The following PRKAA1 variants were observed in gnomAD, a reference collection of about 807,000 sequenced individuals.
PRKAA1 encodes the protein protein kinase AMP-activated catalytic subunit alpha 1.
A neutral mutation model predicts 56.9 loss-of-function variants in PRKAA1; 23 were observed. The observed-to-expected ratio is 0.40, with a 90% CI of 0.29 to 0.57. The LOEUF (loss-of-function observed/expected upper bound fraction) is 0.57. Among genes scored for constraint, PRKAA1 ranks in the 20% least tolerant of loss-of-function variants. The probability of loss-of-function intolerance (pLI) is 0.39; values close to 1 mark genes in which losing one functional copy is unlikely to be tolerated. For missense variants in PRKAA1, 413 were observed against 679.7 expected, an observed-to-expected ratio of 0.61 and a Z score of 4.36; for synonymous variants, 226 against 227.0, an observed-to-expected ratio of 1.00 and a Z score of 0.04.
At chr5:40,777,282 G>C in intron 2 of PRKAA1, 163 bp downstream of exon 2, 2 of 668,094 alleles carry the variant, frequency 3.0e-6, no homozygotes. Context: ...CAAAGTACTG[G>C]AATTACAGGT....
At chr5:40,771,612 ATTACT>A in intron 4 of PRKAA1, 102 bp downstream of exon 4, 1 of 1,118,062 alleles carries the variant, frequency 8.9e-7, no homozygotes, top group Non-Finnish European at 1.3e-6. Flanking sequence ...TACTCAGTCT[ATTACT>A]TTATGTAATC....
chr5:40,786,655 CAG>C (rs774642405), intron 1 of PRKAA1, among the ~76,000 whole-genome samples: 3 of 151,178 alleles, frequency 2.0e-5, no homozygotes, highest in Non-Finnish European at 4.4e-5. Context: ...GAATGAAAAA[CAG>C]TGGTCAGGCA....
Position 40,760,339 on chromosome 5 carries a change from T to C in PRKAA1, c.*2439A>G, listed in dbSNP as rs1387743839. On this transcript the variant is annotated 3_prime_UTR_variant, in exon 9 of 9. Coordinates refer to ENST00000397128, the MANE Select transcript of PRKAA1 (RefSeq NM_006251.6). Reference sequence around the variant, plus strand: ...TCAAAATAAAACACAGTAACTAAAATGAATCACAATAACTTATAAGAGAAG... The same window carrying C: ...TCAAAATAAAACACAGTAACTAAAACGAATCACAATAACTTATAAGAGAAG... The C allele has an allele frequency of 6.5e-6, 1 of 152,684 alleles. No homozygotes were observed. Among genetic ancestry groups the C allele is most frequent in the East Asian group, 1.9e-4 (1 of 5,276 alleles). 9.5% of individuals were successfully genotyped at this position (152,684 alleles called of 1,614,324 possible). A position where few individuals can be genotyped will look rare whatever the true frequency, so the allele number is the denominator to read the frequency against.
chr5:40,788,113 T>C (rs906745726), intron 1 of PRKAA1, among the ~76,000 whole-genome samples: 54 of 152,188 alleles, frequency 3.5e-4, no homozygotes, highest in African/African-American at 1.3e-3. Flanking sequence ...ACTACCATGT[T>C]TGAAAATATA....
intron 1 of PRKAA1, among the ~76,000 whole-genome samples, chr5:40,784,200 T>G: frequency 6.6e-6 from 1 of 152,314 alleles, no homozygotes; most frequent in South Asian, 2.1e-4. Flanking sequence ...CCTGAATTAT[T>G]TGTTTTAATC....
intron 4 of PRKAA1, among the ~76,000 whole-genome samples, chr5:40,771,355 C>G (rs1187974154): frequency 6.6e-6 from 1 of 152,102 alleles, no homozygotes; most frequent in Non-Finnish European, 1.5e-5. Context: ...AAAGACAAAA[C>G]AGCCTGGCAT....
intron 3 of PRKAA1, 83 bp from the exon 4 acceptor site, chr5:40,771,946 G>C (rs1743767644): frequency 6.7e-7 from 1 of 1,484,032 alleles, no homozygotes; most frequent in South Asian, 1.2e-5. Flanking sequence ...CTATAAAATT[G>C]TCAAAATACA....
intron 4 of PRKAA1, among the ~76,000 whole-genome samples, chr5:40,770,410 G>A (rs1743679387): frequency 8.0e-6 from 1 of 125,634 alleles, no homozygotes; most frequent in Non-Finnish European, 1.7e-5. Flanking sequence ...AGGTTGCAGT[G>A]AGCCGAGATC....
chr5:40,776,756 T>C (rs1299044982), intron 2 of PRKAA1, among the ~76,000 whole-genome samples: 1 of 152,188 alleles, frequency 6.6e-6, no homozygotes, highest in Non-Finnish European at 1.5e-5. Context: ...ATAAGCAGGA[T>C]GGGGAAAAAC....
At chr5:40,782,735 G>A (rs1297073122) in intron 1 of PRKAA1, among the ~76,000 whole-genome samples, 2 of 151,958 alleles carry the variant, frequency 1.3e-5, no homozygotes, top group Admixed American at 1.3e-4. Flanking sequence ...AAATGAGGAG[G>A]AAATTAGCAA....
At chr5:40,795,724 A>C (rs911708400) in intron 1 of PRKAA1, among the ~76,000 whole-genome samples, 27 of 152,260 alleles carry the variant, frequency 1.8e-4, no homozygotes, top group African/African-American at 6.0e-4. Context: ...AACTTAAAAA[A>C]TGAACAGGTT....
intron 1 of PRKAA1, among the ~76,000 whole-genome samples, chr5:40,779,902 A>G (rs1744191373): frequency 7.0e-6 from 1 of 142,074 alleles, no homozygotes; most frequent in Admixed American, 7.9e-5. Flanking sequence ...TGCAAAAAAA[A>G]AGTGCATAAA....
chr5:40,777,622 T>C lies in PRKAA1; in HGVS notation c.128-36A>G, dbSNP rs761871972. 198 of 1,539,032 alleles carry C rather than the reference T, an allele frequency of 1.3e-4. 1 individual carries two copies. Among genetic ancestry groups the C allele is most frequent in the Non-Finnish European group, 1.7e-4 (186 of 1,126,038 alleles). ...AGTAATTTAATAAATTAGTACTAAG[T>C]ATGATTAATAATATATTTACACATA... On this transcript the variant is annotated intron_variant, in intron 1 of 8. Coordinates refer to ENST00000397128, the MANE Select transcript of PRKAA1 (RefSeq NM_006251.6).
At chr5:40,790,774 G>A (rs899546243) in intron 1 of PRKAA1, among the ~76,000 whole-genome samples, 4 of 152,046 alleles carry the variant, frequency 2.6e-5, no homozygotes, top group South Asian at 2.1e-4. Context: ...TCTTGAGCTC[G>A]TGATCTGCCC....
chr5:40,764,739 ATTTC>A lies in PRKAA1; in HGVS notation c.1308+9_1308+12del, dbSNP rs1561165995. ...CAAATATGCTAATAATCAAAATGTT[ATTTC>A]TTTCTTACCTTCCATTCATAATCCA... On this transcript the variant is annotated intron_variant, in intron 7 of 8. Coordinates refer to ENST00000397128, the MANE Select transcript of PRKAA1 (RefSeq NM_006251.6). The A allele has an allele frequency of 6.2e-7, 1 of 1,605,196 alleles. No homozygotes were observed. The highest frequency in any genetic ancestry group is 2.2e-5 in the East Asian group (1 of 44,710).
At chr5:40,769,020 G>T in intron 5 of PRKAA1, 1 of 990,560 alleles carries the variant, frequency 1.0e-6, no homozygotes, top group Non-Finnish European at 1.5e-6. Flanking sequence ...ATTTTATCAT[G>T]AAACATAAAG....
rs1743089984 is a variant in PRKAA1 at position 40,759,748 on chromosome 5, C to G, written c.*3030G>C. On this transcript the variant is annotated 3_prime_UTR_variant, in exon 9 of 9. Coordinates refer to ENST00000397128, the MANE Select transcript of PRKAA1 (RefSeq NM_006251.6). ...GGTGTCACTACAACATCAAAAAGAG[C>G]AGTGCTAGGCAGAGGATTTTGTATA... The G allele has an allele frequency of 6.6e-6, 1 of 152,174 alleles. No homozygotes were observed. Among genetic ancestry groups the G allele is most frequent in the African/African-American group, 2.4e-5 (1 of 41,386 alleles). The allele number at this position is 152,174 out of a possible 1,614,324, so 9.4% of individuals were successfully genotyped here.
At chr5:40,780,463 T>A (rs1744222235) in intron 1 of PRKAA1, among the ~76,000 whole-genome samples, 1 of 152,104 alleles carries the variant, frequency 6.6e-6, no homozygotes, top group African/African-American at 2.4e-5. Context: ...ACCAATAAGA[T>A]ATATATATAC....
chr5:40,765,972 T>C (rs932944584), intron 6 of PRKAA1, among the ~76,000 whole-genome samples: 3 of 151,872 alleles, frequency 2.0e-5, no homozygotes, highest in African/African-American at 4.8e-5. Flanking sequence ...AAAAGAACAA[T>C]GGTTATCTTC....
Sources: gnomAD v4.1 joint callset for allele counts (sites outside exome capture counted in the v4.1 genomes callset) on GRCh38, gnomAD v4.1.1 for gene constraint, MANE v1.5 for transcripts, NCBI Gene and HGNC (gene_info 2026-07-23, HGNC 2026-07-21) for gene names.